L3MBTL3: variants seen among roughly 807,000 people sequenced by gnomAD.
L3MBTL3 encodes lethal(3)malignant brain tumor-like protein 3.
A neutral mutation model predicts 102.3 loss-of-function variants in L3MBTL3; 27 were observed. The ratio of observed to expected loss-of-function variants is 0.26; its 90% CI spans 0.19 to 0.36. The LOEUF (loss-of-function observed/expected upper bound fraction) is 0.36, where lower values mean the gene tolerates loss of function less well. Among genes scored for constraint, L3MBTL3 ranks in the 10% least tolerant of loss-of-function variants. L3MBTL3 has a pLI of 1.00. For synonymous variants in L3MBTL3, 340 were observed against 320.9 expected (o/e 1.06, Z -0.64); for missense variants, 798 against 955.3 (o/e 0.84, Z 2.17).
rs765551530 is a variant in L3MBTL3 at position 130,094,416 on chromosome 6, CATGT to C, written c.1736+52_1736+55del. On this transcript the variant is annotated intron_variant, in intron 18 of 22. Coordinates refer to ENST00000361794, the MANE Select transcript of L3MBTL3 (RefSeq NM_032438.4). The stretch of plus-strand genomic sequence containing the variant: ...TGGTCAGATATAGGTGTTCCATATA[CATGT>C]ATATATAATGAATTTCATATATACT... The C allele has an allele frequency of 2.5e-6, 3 of 1,195,642 alleles. No individual in the cohort carries two copies. The South Asian group carries it at 4.1e-5, about 16-fold the overall frequency. The allele number at this position is 1,195,642 out of a possible 1,614,324, so 74.1% of individuals were successfully genotyped here.
intron 13 of L3MBTL3, among the ~76,000 whole-genome samples, chr6:130,075,287 C>T (rs1782879159): frequency 1.3e-5 from 2 of 152,050 alleles, no homozygotes; most frequent in African/African-American, 4.8e-5. Flanking sequence ...GACTCAAGCT[C>T]ACTGGAGGGC....
At chr6:130,056,452 A>C (rs777445635) in intron 8 of L3MBTL3, among the ~76,000 whole-genome samples, 8 of 152,188 alleles carry the variant, frequency 5.3e-5, no homozygotes, top group Non-Finnish European at 1.2e-4. Flanking sequence ...TGTCCCGACA[A>C]ACCAGGGCCA....
chr6:130,055,896 C>G (rs144616816), intron 8 of L3MBTL3, among the ~76,000 whole-genome samples: 1 of 150,598 alleles, frequency 6.6e-6, no homozygotes, highest in South Asian at 2.1e-4. Flanking sequence ...CTTCCCTTCC[C>G]TTCTGTCCCC....
chr6:130,082,740 AAG>A (rs542661999), intron 14 of L3MBTL3, among the ~76,000 whole-genome samples: 188 of 152,300 alleles, frequency 1.2e-3, no homozygotes, highest in African/African-American at 4.4e-3. Flanking sequence ...TATTTACTAC[AAG>A]AGTGTTGATG....
rs1785817643 is a variant in L3MBTL3, at chr6:130,117,779, A to G, written c.1887-3100A>G. 2.6e-5 allele frequency among the ~76,000 whole-genome samples: 4 copies of G among 151,290 alleles called. 1 individual carries two copies. Among genetic ancestry groups the G allele is most frequent in the Admixed American group, 2.0e-4 (3 of 15,160 alleles). On this transcript the variant is annotated intron_variant, in intron 19 of 22. Transcript: ENST00000361794. ...CAGTGGTGCAATCATGGCTCACCGC[A>G]GCTTTGTCCTCCAAGGCTAAAGTGA...
chr6:130,052,744 A>G, intron 6 of L3MBTL3, 115 bp from the exon 7 acceptor site: 2 of 1,303,410 alleles, frequency 1.5e-6, no homozygotes, highest in Non-Finnish European at 2.1e-6. Flanking sequence ...TGGTAGTTAA[A>G]GATTTTTCCT....
chr6:130,081,734 C>T (rs1783369342), intron 14 of L3MBTL3, among the ~76,000 whole-genome samples: 2 of 152,012 alleles, frequency 1.3e-5, no homozygotes, highest in African/African-American at 4.8e-5. Flanking sequence ...TGCATATTTA[C>T]TCTTTAAACA....
rs573010674 is a variant in L3MBTL3 at position 130,055,612 on chromosome 6, G to A, written c.667+357G>A. Among the ~76,000 whole-genome samples the A allele has an allele frequency of 2.0e-3, 75 of 37,688 alleles. 1 individual carries two copies. Among genetic ancestry groups the A allele is most frequent in the African/African-American group, 6.0e-3 (47 of 7,776 alleles). 24.7% of individuals were successfully genotyped at this position (37,688 alleles called of 152,430 possible). A position where few individuals can be genotyped will look rare whatever the true frequency, so the allele number is the denominator to read the frequency against. On this transcript the variant is annotated intron_variant, in intron 8 of 22. Coordinates refer to ENST00000361794, the MANE Select transcript of L3MBTL3 (RefSeq NM_032438.4). Reference sequence around the variant, plus strand: ...CCTCTCTCCCTCCCTCTCTGTCTCCGCCTCTCCCTGTCTCCCTCCCTCCCT... The same window carrying A: ...CCTCTCTCCCTCCCTCTCTGTCTCCACCTCTCCCTGTCTCCCTCCCTCCCT...
At chr6:130,025,861 G>A (rs1410727641) in intron 2 of L3MBTL3, among the ~76,000 whole-genome samples, 2 of 152,116 alleles carry the variant, frequency 1.3e-5, no homozygotes, top group Admixed American at 6.5e-5. Context: ...AACAATTACA[G>A]CAGGGTTGAA....
At chr6:130,053,861 C>G (rs957958855) in intron 7 of L3MBTL3, among the ~76,000 whole-genome samples, 1 of 152,132 alleles carries the variant, frequency 6.6e-6, no homozygotes, top group Non-Finnish European at 1.5e-5. Context: ...GTTCTAGGAG[C>G]TGAGAATACA....
intron 2 of L3MBTL3, among the ~76,000 whole-genome samples, chr6:130,025,970 G>A (rs1779315370): frequency 6.6e-6 from 1 of 152,084 alleles, no homozygotes; most frequent in African/African-American, 2.4e-5. Flanking sequence ...ACATACGATG[G>A]CAATTAACAA....
At chr6:130,070,583 A>G (rs1341986506) in intron 12 of L3MBTL3, among the ~76,000 whole-genome samples, 1 of 152,162 alleles carries the variant, frequency 6.6e-6, no homozygotes, top group African/African-American at 2.4e-5. Flanking sequence ...ATTTTGTGTG[A>G]ATAATTTTCA....
intron 1 of L3MBTL3, among the ~76,000 whole-genome samples, chr6:130,020,108 G>A (rs1301888554): frequency 1.3e-5 from 2 of 151,242 alleles, no homozygotes; most frequent in Admixed American, 6.6e-5. Flanking sequence ...GGAAAAGAGG[G>A]GTCGGGGCCG....
At chr6:130,076,522 G>A (rs1363696175) in intron 13 of L3MBTL3, among the ~76,000 whole-genome samples, 1 of 151,862 alleles carries the variant, frequency 6.6e-6, no homozygotes, top group African/African-American at 2.4e-5. Flanking sequence ...GAGTCTCATT[G>A]GGTCTTAGCA....
At chr6:130,124,218 G>A (rs1229337002) in intron 20 of L3MBTL3, among the ~76,000 whole-genome samples, 4 of 152,144 alleles carry the variant, frequency 2.6e-5, no homozygotes, top group Non-Finnish European at 5.9e-5. Flanking sequence ...CTCGGGCAAG[G>A]AAGCTCCCTT....
At chr6:130,118,157 T>C (rs923082630) in intron 19 of L3MBTL3, among the ~76,000 whole-genome samples, 3 of 152,284 alleles carry the variant, frequency 2.0e-5, no homozygotes, top group African/African-American at 4.8e-5. Flanking sequence ...TCATACTTTA[T>C]TTTAGAAAAA....
In L3MBTL3 at chr6:130,135,530, C is replaced by G. The variant is rs150013320; in HGVS notation, c.2199+1625C>G. ...TTCTGTTTTTTTATTCTGTTGTTAT[C>G]TAGATAATCCCTATAGGTTTGCTCT... On this transcript the variant is annotated intron_variant, in intron 22 of 22. Transcript: ENST00000361794. 1.5e-3 allele frequency among the ~76,000 whole-genome samples: 227 copies of G among 152,208 alleles called. 2 individuals are homozygous for G. The highest frequency in any genetic ancestry group is 5.1e-3 in the African/African-American group (211 of 41,536).
At chr6:130,079,828 G>A (rs909181656) in intron 14 of L3MBTL3, among the ~76,000 whole-genome samples, 1 of 152,166 alleles carries the variant, frequency 6.6e-6, no homozygotes, top group Non-Finnish European at 1.5e-5. Context: ...TATCATTCCT[G>A]TAACAGGCAA....
intron 20 of L3MBTL3, among the ~76,000 whole-genome samples, chr6:130,131,626 A>G (rs893287363): frequency 1.3e-5 from 2 of 152,204 alleles, no homozygotes; most frequent in African/African-American, 4.8e-5. Context: ...GCAAAAGTGT[A>G]TTAGGAAAGG....
Sources: gnomAD v4.1 joint callset for allele counts (sites outside exome capture counted in the v4.1 genomes callset) on GRCh38, gnomAD v4.1.1 for gene constraint, MANE v1.5 for transcripts, NCBI Gene and HGNC (gene_info 2026-07-23, HGNC 2026-07-21) for gene names.